The following PKHD1 variants were observed in gnomAD, a reference collection of about 807,000 sequenced individuals.
PKHD1 encodes the protein PKHD1 ciliary IPT domain containing fibrocystin/polyductin, also known as fibrocystin.
PKHD1 carries 291 observed loss-of-function variants against 412.0 expected under a neutral mutation model. The observed-to-expected ratio is 0.71, with a 90% CI of 0.64 to 0.78. The LOEUF (loss-of-function observed/expected upper bound fraction) is 0.78, where lower values mean the gene tolerates loss of function less well. PKHD1 is among the 30% of genes least tolerant of loss of function. The pLI is 0.00. For synonymous variants in PKHD1, 1,777 were observed against 1,821.5 expected (o/e 0.98, Z 0.62); for missense variants, 4,825 against 4,950.7 (o/e 0.97, Z 0.76).
intron 51 of PKHD1, among the ~76,000 whole-genome samples, chr6:51,833,878 A>G (rs1768710068): frequency 6.6e-6 from 1 of 152,172 alleles, no homozygotes; most frequent in African/African-American, 2.4e-5. Context: ...CTGAAGCTTT[A>G]GATAAATTAG....
chr6:52,046,313 C>G (rs1805822640), intron 23 of PKHD1, 125 bp from the exon 24 acceptor site: 1 of 807,486 alleles, frequency 1.2e-6, no homozygotes, highest in Non-Finnish European at 2.2e-6. Flanking sequence ...ACCCTTCTGT[C>G]AAAGTAGAAC....
At chr6:51,869,699 A>G (rs1035091176) in intron 47 of PKHD1, among the ~76,000 whole-genome samples, 1 of 152,148 alleles carries the variant, frequency 6.6e-6, no homozygotes, top group Non-Finnish European at 1.5e-5. Flanking sequence ...ACTTGTTATG[A>G]GGCATTTTTA....
At chr6:51,894,195 C>T (rs569241481) in intron 43 of PKHD1, among the ~76,000 whole-genome samples, 4 of 152,170 alleles carry the variant, frequency 2.6e-5, no homozygotes, top group Non-Finnish European at 5.9e-5. Context: ...GAGGGTGAAG[C>T]GCTCTAAGAA....
intron 52 of PKHD1, among the ~76,000 whole-genome samples, chr6:51,810,218 A>C (rs989360355): frequency 1.3e-5 from 2 of 152,084 alleles, no homozygotes; most frequent in Non-Finnish European, 2.9e-5. Flanking sequence ...TACAAAATTC[A>C]CTCGATACTA....
At chr6:51,729,042 A>G (rs751125180) in intron 60 of PKHD1, among the ~76,000 whole-genome samples, 1 of 152,260 alleles carries the variant, frequency 6.6e-6, no homozygotes, top group Non-Finnish European at 1.5e-5. Flanking sequence ...ACAGATATGG[A>G]TAGGCTGGTT....
chr6:52,015,873 C>G (rs1275243151), intron 34 of PKHD1, among the ~76,000 whole-genome samples: 3 of 152,018 alleles, frequency 2.0e-5, no homozygotes, highest in Non-Finnish European at 4.4e-5. Context: ...ACTGCAATAG[C>G]CAGAACATTG....
chr6:51,937,259 C>T (rs908419007), intron 36 of PKHD1, among the ~76,000 whole-genome samples: 1 of 152,198 alleles, frequency 6.6e-6, no homozygotes, highest in African/African-American at 2.4e-5. Context: ...CCTTTCCAGA[C>T]CAAACCAATG....
chr6:51,692,690 A>G (rs985712164), intron 60 of PKHD1, among the ~76,000 whole-genome samples: 1 of 152,154 alleles, frequency 6.6e-6, no homozygotes, highest in Non-Finnish European at 1.5e-5. Context: ...AGTTTTCTAT[A>G]TAATAAACAT....
intron 50 of PKHD1, among the ~76,000 whole-genome samples, chr6:51,842,395 A>G (rs141149912): frequency 6.6e-6 from 1 of 152,286 alleles, no homozygotes; most frequent in East Asian, 1.9e-4. Context: ...ACAACCCAAC[A>G]GTTTGCCCTA....
Position 51,754,898 on chromosome 6 carries a change from T to C in PKHD1, c.8683A>G (p.Lys2895Glu), listed in dbSNP as rs1786704837. 1 of 1,613,756 alleles carries C rather than the reference T, an allele frequency of 6.2e-7. No homozygotes were observed. The highest frequency in any genetic ancestry group is 8.5e-7 in the Non-Finnish European group (1 of 1,179,712). The stretch of plus-strand genomic sequence containing the variant: ...TAAGAAGAGGAGCTAAGGACTATTT[T>C]GTCATGGGGGCGCCAATCCACTGCA... ...EDAVDWRPHD[K>E]IVLSSSSYEP... Residue 2895 changes from lysine to glutamate, a missense_variant, in exon 56 of 67, where the codon AAA becomes GAA. By Grantham distance (56) the Lys-to-Glu change is moderately conservative. Transcript: ENST00000371117.
intron 37 of PKHD1, among the ~76,000 whole-genome samples, chr6:51,920,403 G>C (rs1266879): frequency 1.3e-5 from 2 of 152,102 alleles, no homozygotes; most frequent in Admixed American, 1.3e-4. Context: ...TTTGTCTTTG[G>C]TTCGGTTTAT....
intron 35 of PKHD1, among the ~76,000 whole-genome samples, chr6:52,005,108 G>A (rs1442137637): frequency 4.6e-5 from 7 of 152,090 alleles, no homozygotes; most frequent in Non-Finnish European, 7.4e-5. Context: ...AGAGTTTTTT[G>A]GGTTTCCCTG....
chr6:51,687,082 G>GA (rs1326869175), intron 60 of PKHD1, among the ~76,000 whole-genome samples: 3 of 152,132 alleles, frequency 2.0e-5, no homozygotes, highest in African/African-American at 7.2e-5. Flanking sequence ...GAGTGAATGA[G>GA]AAGGAAAGGG....
At chr6:51,966,521 T>C (rs1043958591) in intron 35 of PKHD1, among the ~76,000 whole-genome samples, 3 of 152,148 alleles carry the variant, frequency 2.0e-5, no homozygotes, top group Admixed American at 1.3e-4. Context: ...TTTCCTTTCA[T>C]ACTCACAACT....
chr6:51,983,258 TA>T (rs1298520894), intron 35 of PKHD1, among the ~76,000 whole-genome samples: 6 of 152,228 alleles, frequency 3.9e-5, no homozygotes, highest in Non-Finnish European at 8.8e-5. Flanking sequence ...CTGCCTAGAC[TA>T]CAAAAAATAA....
chr6:51,883,233 A>G lies in PKHD1; in HGVS notation c.7216-6T>C, dbSNP rs2127542020. 1 of 1,612,788 alleles carries G rather than the reference A, an allele frequency of 6.2e-7. No individual in the cohort carries two copies. The highest frequency in any genetic ancestry group is 8.5e-7 in the Non-Finnish European group (1 of 1,178,924). ...AGATTGCTACTTCTAAAAATCTATAAAATACAGCATGTTACAGCAAAGGTC... is the reference window on the plus strand; with the variant it reads ...AGATTGCTACTTCTAAAAATCTATAGAATACAGCATGTTACAGCAAAGGTC... On this transcript the variant is annotated splice_region_variant and splice_polypyrimidine_tract_variant and intron_variant, in intron 45 of 66. Coordinates refer to ENST00000371117, the MANE Select transcript of PKHD1 (RefSeq NM_138694.4).
chr6:51,636,409 G>A (rs1441867379), intron 64 of PKHD1, among the ~76,000 whole-genome samples: 1 of 151,984 alleles, frequency 6.6e-6, no homozygotes. Context: ...ACTGGGTGTG[G>A]TGGCACACAC....
At chr6:51,906,088 G>T in intron 41 of PKHD1, 127 bp downstream of exon 41, 1 of 781,780 alleles carries the variant, frequency 1.3e-6, no homozygotes, top group Non-Finnish European at 2.2e-6. Flanking sequence ...TTTTACTGTA[G>T]CCCATTTCTA....
At chr6:52,073,406 AG>A (rs1453356003) in intron 7 of PKHD1, 56 bp downstream of exon 7, 5 of 1,055,162 alleles carry the variant, frequency 4.7e-6, no homozygotes, top group Non-Finnish European at 1.5e-6. Context: ...AGCTGGTCCC[AG>A]GAAGCCATGC....
Sources: gnomAD v4.1 joint callset for allele counts (sites outside exome capture counted in the v4.1 genomes callset) on GRCh38, gnomAD v4.1.1 for gene constraint, MANE v1.5 for transcripts, NCBI Gene and HGNC (gene_info 2026-07-23, HGNC 2026-07-21) for gene names.